The following PRLR variants were observed in gnomAD, a reference collection of about 807,000 sequenced individuals.
PRLR encodes the protein hPRL receptor.
In PRLR, 13 loss-of-function variants were observed where a neutral mutation model predicts 40.2. The ratio of observed to expected loss-of-function variants is 0.32; its 90% confidence interval spans 0.21 to 0.51. PRLR has a LOEUF of 0.51. Ranked by LOEUF, PRLR falls within the 20% of genes least tolerant of loss-of-function variation. The pLI, the probability that PRLR is intolerant of heterozygous loss-of-function variation, is 0.97. For missense variants in PRLR, 656 were observed against 747.3 expected (o/e 0.88, Z 1.42); for synonymous variants, 269 against 278.7 (o/e 0.97, Z 0.35).
intron 1 of PRLR, among the ~76,000 whole-genome samples, chr5:35,199,416 C>T (rs904630302): frequency 3.9e-5 from 6 of 152,112 alleles, no homozygotes; most frequent in Admixed American, 1.3e-4. Flanking sequence ...CTTTATGATG[C>T]TACATGGCTG....
At chr5:35,197,933 C>T (rs1004680331) in intron 1 of PRLR, among the ~76,000 whole-genome samples, 2 of 152,224 alleles carry the variant, frequency 1.3e-5, no homozygotes, top group South Asian at 2.1e-4. Context: ...TGATGCCCAT[C>T]CTGGTTAGAG....
chr5:35,211,005 G>T lies in PRLR; in HGVS notation c.-106+19263C>A, dbSNP rs373761021. On this transcript the variant is annotated intron_variant, in intron 1 of 9. Transcript: ENST00000618457. ...TGGGACTACAGGCATGAGCCACTGC[G>T]CTCATCCTAACTAGAGATATTGGCT... Among the ~76,000 whole-genome samples the T allele has an allele frequency of 2.0e-5, 3 of 152,278 alleles. No individual in the cohort carries two copies. In the East Asian group the frequency reaches 5.8e-4, roughly 29 times the overall value.
intron 1 of PRLR, among the ~76,000 whole-genome samples, chr5:35,150,916 A>G (rs910032193): frequency 1.3e-5 from 2 of 152,206 alleles, no homozygotes; most frequent in African/African-American, 2.4e-5. Flanking sequence ...CATTCCCTCC[A>G]GGAACAAGCT....
intron 1 of PRLR, among the ~76,000 whole-genome samples, chr5:35,200,956 T>C (rs567314653): frequency 9.2e-5 from 14 of 152,220 alleles, no homozygotes; most frequent in Non-Finnish European, 1.6e-4. Context: ...CAGGACTCTA[T>C]TCATAAGGCT....
chr5:35,177,668 C>T lies in PRLR; in HGVS notation c.-106+52600G>A, dbSNP rs561320786. Among the ~76,000 whole-genome samples the T allele has an allele frequency of 5.3e-5, 8 of 152,250 alleles. No individual in the cohort carries two copies. In the South Asian group the frequency reaches 1.0e-3, roughly 20 times the overall value. ...TCACTCTTTTCTATGGCTGAATCCT[C>T]GATTGTACAAATTACCACGTTTTGT... is the stretch of plus-strand genomic sequence containing the variant. On this transcript the variant is annotated intron_variant, in intron 1 of 9. Transcript: ENST00000618457.
intron 1 of PRLR, among the ~76,000 whole-genome samples, chr5:35,163,396 T>C (rs1774732615): frequency 6.6e-6 from 1 of 152,088 alleles, no homozygotes; most frequent in Admixed American, 6.5e-5. Context: ...TGATGTGGGA[T>C]TTACTTTGCC....
At chr5:35,049,532 G>A (rs958725414) in intron 8 of PRLR, 16 of 599,868 alleles carry the variant, frequency 2.7e-5, no homozygotes, top group Non-Finnish European at 4.1e-5. Flanking sequence ...ATGTACTTCT[G>A]TTAAACAAAC....
At chr5:35,138,233 T>G (rs2914114) in intron 1 of PRLR, among the ~76,000 whole-genome samples, 31,460 of 151,908 alleles carry the variant, frequency 0.21, 5,865 homozygotes, top group African/African-American at 0.5. Context: ...TAAAAGATAC[T>G]TTGGAAGTTT....
intron 1 of PRLR, among the ~76,000 whole-genome samples, chr5:35,141,461 C>G (rs1444198926): frequency 1.3e-5 from 2 of 151,960 alleles, no homozygotes; most frequent in Non-Finnish European, 2.9e-5. Flanking sequence ...GTTCAATATC[C>G]CTATGGAGAT....
intron 1 of PRLR, among the ~76,000 whole-genome samples, chr5:35,196,213 C>A (rs554789973): frequency 2.1e-4 from 32 of 152,230 alleles, no homozygotes; most frequent in Admixed American, 1.0e-3. Flanking sequence ...GCCAAGCTGG[C>A]AAGTTTGGAC....
chr5:35,174,890 C>A (rs1412821013), intron 1 of PRLR, among the ~76,000 whole-genome samples: 3 of 152,202 alleles, frequency 2.0e-5, no homozygotes, highest in African/African-American at 4.8e-5. Flanking sequence ...CCTTCTGGCT[C>A]ACACTTGACA....
Position 35,057,565 on chromosome 5 carries a change from T to C in PRLR, c.*7524A>G, listed in dbSNP as rs543174159. 2 of 152,140 alleles carry C rather than the reference T, an allele frequency of 1.3e-5. No individual in the cohort carries two copies. Among genetic ancestry groups the C allele is most frequent in the African/African-American group, 4.8e-5 (2 of 41,432 alleles). 9.4% of individuals were successfully genotyped at this position (152,140 alleles called of 1,614,324 possible). ...AGTAAAAATGAAGATGTTATGATAA[T>C]AGCAGTTAGTGTTATCTCCAATACT... is the stretch of plus-strand genomic sequence containing the variant. On this transcript the variant is annotated 3_prime_UTR_variant, in exon 10 of 10. Transcript: ENST00000618457.
chr5:35,053,116 C>A (rs1768560586), downstream of PRLR, among the ~76,000 whole-genome samples: 1 of 152,146 alleles, frequency 6.6e-6, no homozygotes, highest in Non-Finnish European at 1.5e-5. Context: ...CTTTTCATAG[C>A]ATTCTCACTA....
At chr5:35,135,572 G>A (rs1773831136) in intron 1 of PRLR, 1 of 152,404 alleles carries the variant, frequency 6.6e-6, no homozygotes, top group Non-Finnish European at 1.5e-5. Flanking sequence ...TTTCCTCGTG[G>A]TTCTGCAAAA....
intron 1 of PRLR, among the ~76,000 whole-genome samples, chr5:35,179,124 C>T (rs542087697): frequency 6.6e-6 from 1 of 152,284 alleles, no homozygotes; most frequent in African/African-American, 2.4e-5. Flanking sequence ...AACCACATAC[C>T]TCTTCATCTC....
chr5:35,135,348 C>T (rs1371655181), intron 1 of PRLR: 2 of 152,306 alleles, frequency 1.3e-5, no homozygotes, highest in African/African-American at 4.8e-5. Flanking sequence ...GTCCCACTGT[C>T]TTGTCCTCGC....
chr5:35,129,486 T>G (rs1773583594), intron 1 of PRLR, among the ~76,000 whole-genome samples: 1 of 152,118 alleles, frequency 6.6e-6, no homozygotes, highest in Non-Finnish European at 1.5e-5. Context: ...CCTAACAAAG[T>G]TGGGAGGATT....
chr5:35,117,540 G>A (rs1373526411), intron 2 of PRLR, among the ~76,000 whole-genome samples: 3 of 152,160 alleles, frequency 2.0e-5, no homozygotes, highest in Non-Finnish European at 4.4e-5. Context: ...GCAGCCTAGG[G>A]TTTCCTTGCC....
intron 7 of PRLR, among the ~76,000 whole-genome samples, chr5:35,069,866 A>C (rs1376633705): frequency 6.6e-6 from 1 of 152,216 alleles, no homozygotes; most frequent in Admixed American, 6.5e-5. Context: ...TGGTGGGAGC[A>C]TAATAACTGC....
Sources: gnomAD v4.1 joint callset for allele counts (sites outside exome capture counted in the v4.1 genomes callset) on GRCh38, gnomAD v4.1.1 for gene constraint, MANE v1.5 for transcripts, NCBI Gene and HGNC (gene_info 2026-07-23, HGNC 2026-07-21) for gene names.